Variants in RIOK2 observed in about 807,000 individuals in gnomAD.
The protein encoded by RIOK2 is serine/threonine-protein kinase RIO2.
A neutral mutation model predicts 62.4 loss-of-function variants in RIOK2; 46 were observed. The ratio of observed to expected loss-of-function variants is 0.74; its 90% CI spans 0.58 to 0.94. RIOK2 has a LOEUF of 0.94. RIOK2 is among the 40% of genes least tolerant of loss of function. RIOK2 has a pLI of 0.00. For missense variants in RIOK2, 574 were observed against 658.0 expected (o/e 0.87, Z 1.40); for synonymous variants, 197 against 216.0 (o/e 0.91, Z 0.77).
At chr5:97,170,694 T>TG (rs1748979166) in intron 6 of RIOK2, among the ~76,000 whole-genome samples, 1 of 152,246 alleles carries the variant, frequency 6.6e-6, no homozygotes, top group African/African-American at 2.4e-5. Flanking sequence ...CAAATTCTTA[T>TG]GGGGAAAACT....
At chr5:97,171,645 G>A (rs1045467515) in intron 5 of RIOK2, among the ~76,000 whole-genome samples, 3 of 152,004 alleles carry the variant, frequency 2.0e-5, no homozygotes, top group Admixed American at 6.6e-5. Flanking sequence ...GTCTACATGT[G>A]CTTTTCCAAT....
chr5:97,179,556 G>GATATAT (rs145674042), intron 1 of RIOK2, among the ~76,000 whole-genome samples: 3 of 148,390 alleles, frequency 2.0e-5, no homozygotes, highest in African/African-American at 4.9e-5. Flanking sequence ...CATCGTAGAG[G>GATATAT]ATATATATAT....
At chr5:97,173,121 G>A in intron 5 of RIOK2, 54 bp downstream of exon 5, 1 of 1,314,402 alleles carries the variant, frequency 7.6e-7, no homozygotes. Flanking sequence ...TAAAAACCCT[G>A]AAACTTAAAT....
intron 6 of RIOK2, among the ~76,000 whole-genome samples, chr5:97,169,887 T>G (rs1748951530): frequency 6.6e-6 from 1 of 152,208 alleles, no homozygotes; most frequent in Admixed American, 6.5e-5. Flanking sequence ...TCCTTTACTG[T>G]GTGACTATGT....
chr5:97,175,059 AAAATAAATAAAT>A (rs78028300), intron 4 of RIOK2, among the ~76,000 whole-genome samples: 5 of 151,002 alleles, frequency 3.3e-5, no homozygotes, highest in Admixed American at 3.3e-4. Context: ...CCTTGTCTTG[AAAATAAATAAAT>A]AAATAAATAA....
Position 97,173,344 on chromosome 5 carries a change from A to G in RIOK2, c.499-81T>C. On this transcript the variant is annotated intron_variant, in intron 4 of 9. Coordinates refer to ENST00000283109, the MANE Select transcript of RIOK2 (RefSeq NM_018343.3). ...ACAATAAAAGTAAATATACCTTTCTACAACCAGAAAAAAAACACACAAACC... is the reference window on the plus strand; with the variant it reads ...ACAATAAAAGTAAATATACCTTTCTGCAACCAGAAAAAAAACACACAAACC... 5 of 855,656 alleles carry G rather than the reference A, an allele frequency of 5.8e-6. No individual in the cohort carries two copies. The South Asian group carries it at 8.2e-5, about 14-fold the overall frequency. 53.0% of individuals were successfully genotyped at this position (855,656 alleles called of 1,614,324 possible). A position where few individuals can be genotyped will look rare whatever the true frequency, so the allele number is the denominator to read the frequency against.
At chr5:97,176,564 T>G (rs902150423) in intron 4 of RIOK2, among the ~76,000 whole-genome samples, 1 of 152,120 alleles carries the variant, frequency 6.6e-6, no homozygotes, top group Admixed American at 6.6e-5. Context: ...CTGGGCTCCT[T>G]ACCTCAAGTA....
Position 97,171,414 on chromosome 5 carries a change from C to G in RIOK2, c.588-17G>C, listed in dbSNP as rs1187124309. The G allele has an allele frequency of 2.0e-6, 3 of 1,481,046 alleles. No homozygotes were observed. In the Admixed American group the frequency reaches 6.7e-5, roughly 33 times the overall value. The allele number at this position is 1,481,046 out of a possible 1,614,324, so 91.7% of individuals were successfully genotyped here. On this transcript the variant is annotated splice_polypyrimidine_tract_variant and intron_variant, in intron 5 of 9. Transcript: ENST00000283109. Reference sequence around the variant, plus strand: ...ATCTGACATCTGAAAGTATTTTAAGCATGAAAATAGGTTACTTGTGTTCAT... The same window carrying G: ...ATCTGACATCTGAAAGTATTTTAAGGATGAAAATAGGTTACTTGTGTTCAT...
In RIOK2 at chr5:97,173,206, C is replaced by T; in HGVS notation, c.556G>A (p.Val186Met). ...TAACCATTTATGAGTTCCATGACCA[C>T]TGCATGACGATTGTAATCAATTGGC... ...PKPIDYNRHA[V>M]VMELINGYPL... The change falls in exon 5 of 10, where the codon GTG becomes ATG. Residue 186 changes from valine to methionine, a missense_variant. Physicochemically the swap from Val to Met is conservative, Grantham distance 21 (BLOSUM62 1). Transcript: ENST00000283109. 1 of 1,612,978 alleles carries T rather than the reference C, an allele frequency of 6.2e-7. No homozygotes were observed. The highest frequency in any genetic ancestry group is 1.1e-5 in the South Asian group (1 of 90,954).
At chr5:97,180,522 G>C (rs1160459775) in intron 1 of RIOK2, among the ~76,000 whole-genome samples, 1 of 152,124 alleles carries the variant, frequency 6.6e-6, no homozygotes, top group African/African-American at 2.4e-5. Flanking sequence ...CTAGGATAGA[G>C]AAGGCATTAA....
chr5:97,175,645 A>G (rs1749144644), intron 4 of RIOK2, among the ~76,000 whole-genome samples: 1 of 152,224 alleles, frequency 6.6e-6, no homozygotes, highest in Admixed American at 6.5e-5. Flanking sequence ...TTACTAATTT[A>G]TGCTGCCTTA....
intron 6 of RIOK2, among the ~76,000 whole-genome samples, chr5:97,169,507 C>T (rs936221801): frequency 3.3e-5 from 5 of 152,120 alleles, no homozygotes; most frequent in Non-Finnish European, 7.4e-5. Flanking sequence ...GGATTCAATT[C>T]TCTAGAAGAT....
At position 97,161,172 on chromosome 5, in the gene RIOK2, A is replaced by T. The variant is rs1264379316; in HGVS notation, c.*1889T>A. 2.0e-5 allele frequency: 3 copies of T among 152,216 alleles called. No homozygotes were observed. The highest frequency in any genetic ancestry group is 6.5e-5 in the Admixed American group (1 of 15,282). The allele number at this position is 152,216 out of a possible 1,614,324, so 9.4% of individuals were successfully genotyped here. A position where few individuals can be genotyped will look rare whatever the true frequency, so the allele number is the denominator to read the frequency against. On this transcript the variant is annotated 3_prime_UTR_variant, in exon 10 of 10. Transcript: ENST00000283109. ...AATGTCCCCATTTTACAAGTAAAAAAATTGAGGTTAGAGAGGCCACAGAAG... is the reference window on the plus strand; with the variant it reads ...AATGTCCCCATTTTACAAGTAAAAATATTGAGGTTAGAGAGGCCACAGAAG...
At chr5:97,166,929 T>TA in intron 8 of RIOK2, 2 of 937,912 alleles carry the variant, frequency 2.1e-6, no homozygotes, top group Non-Finnish European at 2.5e-6. Flanking sequence ...ATATATATAT[T>TA]TTTGAGACGG....
chr5:97,165,462 T>C (rs577082628), intron 8 of RIOK2, among the ~76,000 whole-genome samples: 2 of 152,300 alleles, frequency 1.3e-5, no homozygotes, highest in African/African-American at 4.8e-5. Context: ...CTTCTTTCAC[T>C]GAACTATATA....
intron 7 of RIOK2, 89 bp from the exon 8 acceptor site, chr5:97,168,080 C>T (rs944173910): frequency 7.5e-7 from 1 of 1,336,210 alleles, no homozygotes; most frequent in South Asian, 1.6e-5. Flanking sequence ...AATTATGATT[C>T]AAGTGAGTTT....
chr5:97,162,789 A>T lies in RIOK2; in HGVS notation c.*272T>A. On this transcript the variant is annotated 3_prime_UTR_variant, in exon 10 of 10. Transcript: ENST00000283109. ...ATATCATCCTCAACAAACAGAAAAC[A>T]ACAAAAATGTTATTTAGATTTTTAA... The T allele has an allele frequency of 3.0e-6, 1 of 338,512 alleles. No homozygotes were observed. Among genetic ancestry groups the T allele is most frequent in the Non-Finnish European group, 5.3e-6 (1 of 187,286 alleles). 21.0% of individuals were successfully genotyped at this position (338,512 alleles called of 1,614,324 possible).
intron 2 of RIOK2, among the ~76,000 whole-genome samples, chr5:97,178,362 T>C (rs1340688261): frequency 6.9e-6 from 1 of 145,724 alleles, no homozygotes; most frequent in Non-Finnish European, 1.5e-5. Flanking sequence ...TCTTCTACAG[T>C]ACCTACATGC....
Position 97,168,805 on chromosome 5 carries a change from C to T in RIOK2, c.827G>A (p.Arg276His), listed in dbSNP as rs374850686. 21 of 1,600,954 alleles carry T rather than the reference C, an allele frequency of 1.3e-5. No homozygotes were observed. The highest frequency in any genetic ancestry group is 1.5e-5 in the Non-Finnish European group (18 of 1,175,828). Residue 276 changes from arginine to histidine, a missense_variant, in exon 7 of 10, where the codon CGT (arginine) becomes CAT (histidine). By Grantham distance (29) the Arg-to-His change is conservative (BLOSUM62 0). Transcript: ENST00000283109. ...VKCIKDFFMK[R>H]FSYESELFPT... Reference sequence around the variant, plus strand: ...AAAAAGCTCACTTTCGTAGCTGAAACGTTTCATAAAGAAATCTTTAATGCA... The same window carrying T: ...AAAAAGCTCACTTTCGTAGCTGAAATGTTTCATAAAGAAATCTTTAATGCA...
Sources: allele counts gnomAD v4.1 joint callset (sites outside exome capture counted in the v4.1 genomes callset), GRCh38; gene constraint gnomAD v4.1.1; transcripts MANE v1.5; gene names NCBI Gene and HGNC (gene_info 2026-07-23, HGNC 2026-07-21).